PTPRK: variants seen among roughly 807,000 people sequenced by gnomAD.
PTPRK encodes protein tyrosine phosphatase receptor type K.
In PTPRK, 75 loss-of-function variants were observed where a neutral mutation model predicts 178.0. The observed-to-expected ratio is 0.42, with a 90% CI of 0.35 to 0.51. The LOEUF is 0.51. Among genes scored for constraint, PTPRK ranks in the 20% least tolerant of loss-of-function variants. PTPRK has a pLI of 0.02. For synonymous variants in PTPRK, 637 were observed against 620.6 expected, an observed-to-expected ratio of 1.03 and a Z score of -0.39; for missense variants, 1,441 against 1,797.8, an observed-to-expected ratio of 0.80 and a Z score of 3.59.
intron 14 of PTPRK, among the ~76,000 whole-genome samples, chr6:128,008,283 A>T (rs1266427906): frequency 6.6e-6 from 1 of 150,948 alleles, no homozygotes; most frequent in Middle Eastern, 3.2e-3. Flanking sequence ...CACTGATCAC[A>T]ACCACTTCTA....
intron 1 of PTPRK, among the ~76,000 whole-genome samples, chr6:128,428,341 G>T (rs905335222): frequency 6.6e-5 from 10 of 152,146 alleles, no homozygotes; most frequent in Non-Finnish European, 1.2e-4. Context: ...ATCTAAAGAT[G>T]CACATCATTA....
At chr6:128,381,181 GTATTTCAT>G (rs1320993503) in intron 2 of PTPRK, among the ~76,000 whole-genome samples, 14 of 152,230 alleles carry the variant, frequency 9.2e-5, no homozygotes, top group African/African-American at 3.1e-4. Flanking sequence ...GTAAAAGGGT[GTATTTCAT>G]TAGAAAATTT....
rs996036038 is a variant in PTPRK at position 128,159,683 on chromosome 6, A to G, written c.1162+24749T>C. The stretch of plus-strand genomic sequence containing the variant: ...TTTGCAACTCTTGTATTTAAAAAAA[A>G]AATACAGATGGACGTAAACTTGTAC... On this transcript the variant is annotated intron_variant, in intron 7 of 29. Coordinates refer to ENST00000368226, the MANE Select transcript of PTPRK (RefSeq NM_002844.4). 2.6e-5 allele frequency among the ~76,000 whole-genome samples: 4 copies of G among 151,812 alleles called. No homozygotes were observed. The Admixed American group carries it at 2.6e-4, about 10-fold the overall frequency.
At position 128,240,015 on chromosome 6, in the gene PTPRK, A is replaced by G; in HGVS notation, c.693+20T>C. 1 of 1,562,276 alleles carries G rather than the reference A, an allele frequency of 6.4e-7. No individual in the cohort carries two copies. The highest frequency in any genetic ancestry group is 8.8e-7 in the Non-Finnish European group (1 of 1,133,866). ...AAACATAAAGTATACTCTTTAGCTC[A>G]GCTGCCAACTTGGCCTTACCTGGAG... On this transcript the variant is annotated intron_variant, in intron 5 of 29. Coordinates refer to ENST00000368226, the MANE Select transcript of PTPRK (RefSeq NM_002844.4).
intron 1 of PTPRK, among the ~76,000 whole-genome samples, chr6:128,501,463 A>G (rs1457317968): frequency 6.6e-6 from 1 of 151,992 alleles, no homozygotes; most frequent in East Asian, 1.9e-4. Context: ...CATATTCACA[A>G]TCTGCCAATT....
intron 8 of PTPRK, among the ~76,000 whole-genome samples, chr6:128,089,250 C>T (rs2115022582): frequency 6.6e-6 from 1 of 152,334 alleles, no homozygotes; most frequent in East Asian, 1.9e-4. Context: ...AGGCATGAAC[C>T]ACTACACCCG....
chr6:128,396,827 G>A (rs9375564), intron 2 of PTPRK, among the ~76,000 whole-genome samples: 114,586 of 151,804 alleles, frequency 0.75, 44,773 homozygotes, highest in East Asian at 0.99. Flanking sequence ...GTGAAACCCC[G>A]CCTCCACTAA....
intron 3 of PTPRK, among the ~76,000 whole-genome samples, chr6:128,285,783 G>A (rs1331344725): frequency 6.6e-6 from 1 of 151,992 alleles, no homozygotes; most frequent in Non-Finnish European, 1.5e-5. Context: ...CTGGGCAACA[G>A]AGTAATACGC....
intron 7 of PTPRK, among the ~76,000 whole-genome samples, chr6:128,163,882 T>C (rs1799021085): frequency 1.3e-5 from 2 of 151,500 alleles, no homozygotes; most frequent in African/African-American, 2.4e-5. Flanking sequence ...TTGTAGTTTG[T>C]GGACTATTTG....
rs67513455 is a variant in PTPRK at position 128,108,069 on chromosome 6, A to AACACACACAC, written c.1163-18087_1163-18078dup. Among the ~76,000 whole-genome samples the AACACACACAC allele has an allele frequency of 2.4e-3, 318 of 133,856 alleles. 1 individual carries two copies. Among genetic ancestry groups the AACACACACAC allele is most frequent in the African/African-American group, 5.9e-3 (208 of 35,078 alleles). The allele number at this position is 133,856 out of a possible 152,430, so 87.8% of individuals were successfully genotyped here. ...AACAAACCAAATCCCTAAATAGCAAAACACACACACACACACACACACACA... is the reference window on the plus strand; with the variant it reads ...AACAAACCAAATCCCTAAATAGCAAAACACACACACACACACACACACACACACACACACA... On this transcript the variant is annotated intron_variant, in intron 7 of 29. Coordinates refer to ENST00000368226, the MANE Select transcript of PTPRK (RefSeq NM_002844.4).
rs537127312 is a variant in PTPRK at position 128,333,928 on chromosome 6, T to C, written c.224-11618A>G. On this transcript the variant is annotated intron_variant, in intron 2 of 29. Transcript: ENST00000368226. ...AGAGACCTGCAGTTATTCCTTTAAG[T>C]TGATAATTAAAGGGCCACCGTAGGG... Among the ~76,000 whole-genome samples the C allele has an allele frequency of 5.9e-5, 9 of 152,280 alleles. No individual in the cohort carries two copies. The South Asian group carries it at 1.9e-3, about 32-fold the overall frequency.
chr6:128,240,169 A>G lies in PTPRK; in HGVS notation c.578-19T>C. On this transcript the variant is annotated intron_variant, in intron 4 of 29. Transcript: ENST00000368226. ...GATTTATCTGTGAAGGAAGGGAAAA[A>G]AAAATGTATTTGTTTTCACATGAAG... is the stretch of plus-strand genomic sequence containing the variant. 6.5e-7 allele frequency: 1 copy of G among 1,544,246 alleles called. No homozygotes were observed. The highest frequency in any genetic ancestry group is 8.9e-7 in the Non-Finnish European group (1 of 1,120,366).
intron 6 of PTPRK, among the ~76,000 whole-genome samples, chr6:128,187,881 G>T (rs563210133): frequency 1.3e-5 from 2 of 152,242 alleles, no homozygotes; most frequent in African/African-American, 4.8e-5. Flanking sequence ...TATGTTGGAG[G>T]TAAAAAGTAG....
At chr6:128,299,244 T>C (rs1324011759) in intron 3 of PTPRK, among the ~76,000 whole-genome samples, 2 of 151,488 alleles carry the variant, frequency 1.3e-5, no homozygotes, top group African/African-American at 4.9e-5. Context: ...TGGAAGAACA[T>C]TCCATGCTCA....
intron 3 of PTPRK, among the ~76,000 whole-genome samples, chr6:128,320,304 C>T (rs1194573007): frequency 6.6e-6 from 1 of 152,052 alleles, no homozygotes; most frequent in Non-Finnish European, 1.5e-5. Context: ...TTATTAACAT[C>T]AATGATTCAA....
chr6:128,126,225 A>T (rs1793353769), intron 7 of PTPRK, among the ~76,000 whole-genome samples: 1 of 150,112 alleles, frequency 6.7e-6, no homozygotes, highest in Non-Finnish European at 1.5e-5. Flanking sequence ...CTTGCCCCCA[A>T]CTCTCTGACA....
chr6:128,416,275 A>T (rs996610382), intron 1 of PTPRK, among the ~76,000 whole-genome samples: 12 of 152,036 alleles, frequency 7.9e-5, no homozygotes, highest in African/African-American at 2.4e-4. Flanking sequence ...CAAAAGCAGC[A>T]TGATTAACGA....
chr6:128,463,740 GGTTTTTTT>G (rs1254325741), intron 1 of PTPRK, among the ~76,000 whole-genome samples: 1,817 of 135,680 alleles, frequency 0.013, 19 homozygotes, highest in Non-Finnish European at 0.022. Context: ...CAATCTTCAC[GGTTTTTTT>G]TTTTTTTTTT....
intron 13 of PTPRK, among the ~76,000 whole-genome samples, chr6:128,048,279 C>T (rs923500228): frequency 5.3e-5 from 8 of 152,150 alleles, no homozygotes; most frequent in African/African-American, 1.9e-4. Flanking sequence ...GGAGTTGAGG[C>T]CCAGCAATCT....
Sources: gnomAD v4.1 joint callset for allele counts (sites outside exome capture counted in the v4.1 genomes callset) on GRCh38, gnomAD v4.1.1 for gene constraint, MANE v1.5 for transcripts, NCBI Gene and HGNC (gene_info 2026-07-23, HGNC 2026-07-21) for gene names.